Variants in UGT2B11 observed in about 807,000 individuals in gnomAD.
The protein encoded by UGT2B11 is UDP-glucuronosyltransferase 2B11.
Under a neutral mutation model 51.7 loss-of-function variants are expected in UGT2B11, and 49 were observed. The ratio of observed to expected loss-of-function variants is 0.95; its 90% CI spans 0.75 to 1.20. UGT2B11 has a LOEUF of 1.20. Among genes scored for constraint, UGT2B11 ranks in the 50% most tolerant of loss-of-function variants. The pLI is 0.00. For synonymous variants in UGT2B11, 273 were observed against 209.0 expected (o/e 1.31, Z -2.64); for missense variants, 810 against 622.1 (o/e 1.30, Z -3.21).
Position 69,212,581 on chromosome 4 carries a change from G to T in UGT2B11, c.862C>A (p.Leu288Ile). 1 of 1,607,512 alleles carries T rather than the reference G, an allele frequency of 6.2e-7. No individual in the cohort carries two copies. The highest frequency in any genetic ancestry group is 8.5e-7 in the Non-Finnish European group (1 of 1,176,568). Residue 288 changes from leucine (L) to isoleucine (I), a missense_variant, in exon 2 of 6, where the codon CTA becomes ATA. Transcript: ENST00000446444. ...AACAAAAGTATGTTTACCTTAGGTA[G>T]GGGTTTGGCAGGTTTGCAGTGGAAT... ...GGFHCKPAKP[L>I]PKEMEEFVQS... is the part of the protein sequence containing the mutation.
At position 69,200,811 on chromosome 4, in the gene UGT2B11, A is replaced by C. The variant is rs553537280; in HGVS notation, c.1311-92T>G. 24 of 1,318,856 alleles carry C rather than the reference A, an allele frequency of 1.8e-5. 2 individuals are homozygous for C. In the South Asian group the frequency reaches 4.3e-4, roughly 24 times the overall value. 81.7% of individuals were successfully genotyped at this position (1,318,856 alleles called of 1,614,324 possible). A position where few individuals can be genotyped will look rare whatever the true frequency, so the allele number is the denominator to read the frequency against. On this transcript the variant is annotated intron_variant, in intron 5 of 5. Coordinates refer to ENST00000446444, the MANE Select transcript of UGT2B11 (RefSeq NM_001073.3). ...TGAAAGGCTTTTAAAGCATCAAATA[A>C]TTCAAAATAAATGTCAAAGAATTGA...
chr4:69,208,972 A>C (rs28561592), intron 2 of UGT2B11, among the ~76,000 whole-genome samples: 15,128 of 147,126 alleles, frequency 0.1, 929 homozygotes, highest in South Asian at 0.17. Flanking sequence ...TGAGGAAAAG[A>C]TATTCACAGT....
At chr4:69,205,632 T>A (rs1369074802) in intron 3 of UGT2B11, 65 bp from the exon 4 acceptor site, 2 of 1,539,022 alleles carry the variant, frequency 1.3e-6, no homozygotes, top group Non-Finnish European at 1.8e-6. Context: ...ATGTTAGAAC[T>A]GTAGAAAGCA....
chr4:69,219,513 C>T (rs572277981), upstream of UGT2B11, among the ~76,000 whole-genome samples: 1 of 152,088 alleles, frequency 6.6e-6, no homozygotes, highest in African/African-American at 2.4e-5. Flanking sequence ...CTAGCGTTTT[C>T]TCATGCTGTT....
intron 5 of UGT2B11, among the ~76,000 whole-genome samples, chr4:69,203,984 T>A (rs1721754355): frequency 6.6e-6 from 1 of 151,574 alleles, no homozygotes. Flanking sequence ...ATAGGTGGAT[T>A]TTAAGCTATC....
chr4:69,218,179 C>T (rs1722323286), upstream of UGT2B11, among the ~76,000 whole-genome samples: 1 of 152,120 alleles, frequency 6.6e-6, no homozygotes, highest in Non-Finnish European at 1.5e-5. Flanking sequence ...AAATTATCTT[C>T]CTCAAAAGCA....
At chr4:69,222,106 C>T in the UGT2B11 span, among the ~76,000 whole-genome samples, 19 of 152,404 alleles carry the variant, frequency 1.2e-4, no homozygotes, top group African/African-American at 4.3e-4. Flanking sequence ...CAGCCTTTCT[C>T]TTATCTCACT....
At chr4:69,204,079 A>G (rs1268357813) in intron 5 of UGT2B11, among the ~76,000 whole-genome samples, 2 of 151,606 alleles carry the variant, frequency 1.3e-5, no homozygotes, top group Non-Finnish European at 3.0e-5. Context: ...ATTCTGAGTC[A>G]TTTTAGATAT....
chr4:69,208,562 A>G (rs1577963348), intron 2 of UGT2B11, 80 bp from the exon 3 acceptor site: 1 of 1,554,982 alleles, frequency 6.4e-7, no homozygotes, highest in African/African-American at 1.4e-5. Context: ...CAAATATTAA[A>G]GAGAGAAAAT....
the UGT2B11 span, among the ~76,000 whole-genome samples, chr4:69,221,772 A>G: frequency 3.3e-5 from 5 of 152,168 alleles, no homozygotes; most frequent in African/African-American, 2.4e-5. Context: ...TCCAGGAGGA[A>G]GTCCACTTCC....
At chr4:69,214,995 T>C (rs1722221666), upstream of UGT2B11, 1 of 394,344 alleles carries the variant, frequency 2.5e-6, no homozygotes, top group African/African-American at 2.1e-5. Context: ...ACCTACTTTA[T>C]AATAGTGTCA....
At chr4:69,201,292 A>G (rs2109938015) in intron 5 of UGT2B11, 1 of 152,062 alleles carries the variant, frequency 6.6e-6, no homozygotes, top group East Asian at 2.0e-4. Flanking sequence ...AAGGTGAGTG[A>G]CATACCTCAT....
rs547128831 is a variant in UGT2B11, at chr4:69,205,505, C to T, written c.1065G>A (p.Lys355=). ...DALGLNTRLY[K]WIPQNDLLGH... is the part of the protein sequence containing the mutation. ...CTAGAAGGTCATTCTGGGGTATCCA[C>T]TTGTACAGCCGAGTATTGAGACCTA... is the stretch of plus-strand genomic sequence containing the variant. Residue 355 remains lysine (K), a synonymous_variant, in exon 4 of 6, where the codon AAG becomes AAA. Coordinates refer to ENST00000446444, the MANE Select transcript of UGT2B11 (RefSeq NM_001073.3). The T allele has an allele frequency of 1.3e-5, 21 of 1,610,800 alleles. No individual in the cohort carries two copies. Among genetic ancestry groups the T allele is most frequent in the Middle Eastern group, 1.7e-4 (1 of 5,940 alleles).
the UGT2B11 span, among the ~76,000 whole-genome samples, chr4:69,224,371 G>T: frequency 6.6e-6 from 1 of 152,032 alleles, no homozygotes; most frequent in Non-Finnish European, 1.5e-5. Flanking sequence ...TGTACTTCCG[G>T]ACCACCATGA....
intron 5 of UGT2B11, among the ~76,000 whole-genome samples, chr4:69,201,447 A>C (rs184720305): frequency 1.3e-5 from 2 of 151,886 alleles, no homozygotes; most frequent in East Asian, 2.0e-4. Flanking sequence ...TTAATCATAA[A>C]ATTCAACTCT....
intron 5 of UGT2B11, 27 bp from the exon 6 acceptor site, chr4:69,200,746 C>T (rs1297708241): frequency 1.4e-5 from 22 of 1,583,646 alleles, no homozygotes; most frequent in Non-Finnish European, 1.7e-5. Context: ...AGGATACCAA[C>T]ACTGAAAGTA....
upstream of UGT2B11, chr4:69,215,015 G>A (rs1722222575): frequency 3.2e-6 from 1 of 311,982 alleles, no homozygotes; most frequent in Non-Finnish European, 5.8e-6. Flanking sequence ...AAGAACAGTG[G>A]CAAGTGAGAG....
In UGT2B11 at chr4:69,214,323, T is replaced by G. The variant is rs371579567; in HGVS notation, c.400A>C (p.Lys134Gln). 1.2e-6 allele frequency: 2 copies of G among 1,613,176 alleles called. No homozygotes were observed. Among genetic ancestry groups the G allele is most frequent in the Non-Finnish European group, 1.7e-6 (2 of 1,179,488 alleles). ...TCTTGTAGTTTTTTCATAACTTTCT[T>G]ATTTGAAACTACATCTTTACAGAAG... ...RNFCKDVVSN[K>Q]KVMKKLQESR... The change falls in exon 1 of 6, where the codon AAG becomes CAG. Residue 134 changes from lysine (K) to glutamine (Q), a missense_variant. Coordinates refer to ENST00000446444, the MANE Select transcript of UGT2B11 (RefSeq NM_001073.3).
Position 69,200,262 on chromosome 4 carries a change from G to A in UGT2B11, c.*178C>T, listed in dbSNP as rs774915119. The A allele has an allele frequency of 4.1e-5, 36 of 881,232 alleles. No individual in the cohort carries two copies. Among genetic ancestry groups the A allele is most frequent in the Non-Finnish European group, 5.4e-5 (35 of 650,890 alleles). 54.6% of individuals were successfully genotyped at this position (881,232 alleles called of 1,614,324 possible). A position where few individuals can be genotyped will look rare whatever the true frequency, so the allele number is the denominator to read the frequency against. On this transcript the variant is annotated 3_prime_UTR_variant, in exon 6 of 6. Coordinates refer to ENST00000446444, the MANE Select transcript of UGT2B11 (RefSeq NM_001073.3). ...CAAAATATTTCTAACCATTACCTGG[G>A]TGGTAAATCTCTGAAAAACAAATTT...
Sources: gnomAD v4.1 joint callset for allele counts (sites outside exome capture counted in the v4.1 genomes callset) on GRCh38, gnomAD v4.1.1 for gene constraint, MANE v1.5 for transcripts, NCBI Gene and HGNC (gene_info 2026-07-23, HGNC 2026-07-21) for gene names.